Variants in SAMD15 observed in about 807,000 individuals in gnomAD.
SAMD15 encodes sterile alpha motif domain-containing protein 15.
In SAMD15, 37 loss-of-function variants were observed where a neutral mutation model predicts 50.5. That is an observed-to-expected ratio of 0.73 (90% CI 0.56 to 0.96). The LOEUF is 0.96. Among genes scored for constraint, SAMD15 ranks in the 40% least tolerant of loss-of-function variants. SAMD15 has a pLI of 0.00. For synonymous variants in SAMD15, 255 were observed against 282.8 expected (o/e 0.90, Z 0.99); for missense variants, 789 against 783.8 (o/e 1.01, Z -0.08).
At chr14:77,385,610 T>C (rs1893995916) in intron 2 of SAMD15, among the ~76,000 whole-genome samples, 1 of 152,128 alleles carries the variant, frequency 6.6e-6, no homozygotes, top group South Asian at 2.1e-4. Flanking sequence ...TTGAGAAACT[T>C]GGCTCTCCTT....
At chr14:77,388,847 G>T (rs1005668718) in intron 2 of SAMD15, among the ~76,000 whole-genome samples, 3 of 152,044 alleles carry the variant, frequency 2.0e-5, no homozygotes, top group African/African-American at 7.3e-5. Context: ...GACCTCAGGT[G>T]ATCCACCTGC....
At chr14:77,382,271 C>G (rs773137199) in intron 2 of SAMD15, among the ~76,000 whole-genome samples, 1 of 151,808 alleles carries the variant, frequency 6.6e-6, no homozygotes, top group Non-Finnish European at 1.5e-5. Flanking sequence ...ACTACAGGCG[C>G]GTGGCACCAC....
chr14:77,387,213 G>A (rs1244933912), intron 2 of SAMD15, among the ~76,000 whole-genome samples: 1 of 151,962 alleles, frequency 6.6e-6, no homozygotes, highest in Non-Finnish European at 1.5e-5. Flanking sequence ...TAGGAGGATC[G>A]CTTGAGCCTA....
intron 2 of SAMD15, among the ~76,000 whole-genome samples, chr14:77,383,993 A>C (rs1433814181): frequency 6.6e-6 from 1 of 151,384 alleles, no homozygotes; most frequent in Non-Finnish European, 1.5e-5. Flanking sequence ...AAAAAAAAAA[A>C]AAAAAAAAAA....
chr14:77,389,612 T>C (rs937870791), intron 2 of SAMD15, among the ~76,000 whole-genome samples: 1 of 150,722 alleles, frequency 6.6e-6, no homozygotes, highest in Non-Finnish European at 1.5e-5. Context: ...GTGATTCTCC[T>C]GCCTCAGCCT....
rs201221553 is a variant in SAMD15, at chr14:77,389,126, C to CA, written c.1789-1873dup. ...AAAACAAAAAACAAAAACAAACAAACAAAAAAAAACAGAATCCTTACTCGG... is the reference window on the plus strand; with the variant it reads ...AAAACAAAAAACAAAAACAAACAAACAAAAAAAAAACAGAATCCTTACTCGG... On this transcript the variant is annotated intron_variant, in intron 2 of 2. Transcript: ENST00000216471. 1.9e-3 allele frequency among the ~76,000 whole-genome samples: 283 copies of CA among 150,326 alleles called. 1 individual carries two copies. The highest frequency in any genetic ancestry group is 6.3e-3 in the African/African-American group (259 of 40,902).
At chr14:77,380,314 C>A in intron 1 of SAMD15, 69 bp from the exon 2 acceptor site, 1 of 939,812 alleles carries the variant, frequency 1.1e-6, no homozygotes, top group Non-Finnish European at 1.8e-6. Flanking sequence ...TCCCTTCCTC[C>A]CCCTTCCCTC....
chr14:77,383,900 G>A (rs1358798908), intron 2 of SAMD15, among the ~76,000 whole-genome samples: 1 of 151,226 alleles, frequency 6.6e-6, no homozygotes. Context: ...AACCTGGGAG[G>A]CGGAGGTTAT....
At chr14:77,383,377 G>A (rs529911134) in intron 2 of SAMD15, among the ~76,000 whole-genome samples, 1 of 152,046 alleles carries the variant, frequency 6.6e-6, no homozygotes, top group Non-Finnish European at 1.5e-5. Context: ...CAGCTCCCTT[G>A]GTATTCTAAT....
intron 2 of SAMD15, among the ~76,000 whole-genome samples, chr14:77,387,100 A>G (rs900264220): frequency 6.6e-6 from 1 of 152,156 alleles, no homozygotes. Context: ...GCTCTAAGTC[A>G]TAGGCAAAAA....
At chr14:77,389,937 C>A (rs1894051959) in intron 2 of SAMD15, among the ~76,000 whole-genome samples, 1 of 151,970 alleles carries the variant, frequency 6.6e-6, no homozygotes, top group African/African-American at 2.4e-5. Context: ...ACAGCTCGAA[C>A]TTTAATGTCT....
At chr14:77,388,696 C>T (rs946738361) in intron 2 of SAMD15, among the ~76,000 whole-genome samples, 1 of 151,896 alleles carries the variant, frequency 6.6e-6, no homozygotes, top group Non-Finnish European at 1.5e-5. Context: ...GGAACCTCTG[C>T]CTCCCAGGTT....
chr14:77,385,001 G>A (rs1162635290), intron 2 of SAMD15, among the ~76,000 whole-genome samples: 1 of 151,974 alleles, frequency 6.6e-6, no homozygotes, highest in Admixed American at 6.6e-5. Context: ...GACCAACATG[G>A]TGAAACCCTG....
In SAMD15 at chr14:77,377,524, G is replaced by A. The variant is rs1290490920; in HGVS notation, c.106G>A (p.Glu36Lys). The change falls in exon 1 of 3, where the codon GAA becomes AAA. Residue 36 changes from glutamate to lysine, a missense_variant. Coordinates refer to ENST00000216471, the MANE Select transcript of SAMD15 (RefSeq NM_001010860.4). ...ACTTCATAAATTGTATGAAAATGCC[G>A]AACCAGACACCATGGCAAAGGCAGA... ...PGLHKLYENAEPDTMAKADSK... is the reference protein window; with the variant it reads ...PGLHKLYENAKPDTMAKADSK... 4.3e-6 allele frequency: 7 copies of A among 1,614,002 alleles called. No homozygotes were observed. The highest frequency in any genetic ancestry group is 1.3e-5 in the African/African-American group (1 of 74,904).
Position 77,378,905 on chromosome 14 carries a change from A to AT in SAMD15, c.1488dup (p.Pro497SerfsTer10), listed in dbSNP as rs752051019. On this transcript the variant is annotated frameshift_variant, in exon 1 of 3. Transcript: ENST00000216471. LOFTEE classifies it high-confidence loss of function. ...GTCAGTGAAGAATGCTCATACTCAG[A>AT]TCCCTCAGAGTCTCAGACAGAATTA... 3 of 1,613,946 alleles carry AT rather than the reference A, an allele frequency of 1.9e-6. No individual in the cohort carries two copies. In the African/African-American group the frequency reaches 4.0e-5, roughly 22 times the overall value.
intron 1 of SAMD15, among the ~76,000 whole-genome samples, chr14:77,379,671 G>A (rs1035123947): frequency 3.3e-5 from 5 of 152,140 alleles, no homozygotes; most frequent in African/African-American, 4.8e-5. Context: ...GATTACAGGC[G>A]TGAGCCACCG....
chr14:77,390,324 A>G (rs1371377894), intron 2 of SAMD15, among the ~76,000 whole-genome samples: 3 of 151,958 alleles, frequency 2.0e-5, no homozygotes, highest in African/African-American at 7.2e-5. Flanking sequence ...TCTTAGTTAC[A>G]CATTAACTGA....
At position 77,379,105 on chromosome 14, in the gene SAMD15, A is replaced by G. The variant is rs1263016039; in HGVS notation, c.1687A>G (p.Lys563Glu). ...TAGCCAGCTAGGCTTCCCTCAATAC[A>G]AGGTATACAAAAATAAGATGTTTTG... The part of the protein sequence containing the change: ...WISQLGFPQY[K>E]ECFITNFISG... Residue 563 changes from lysine (K) to glutamate (E), a missense_variant and splice_region_variant, in exon 1 of 3, where the codon AAG becomes GAG. Physicochemically the swap from Lys to Glu is moderately conservative, Grantham distance 56 (BLOSUM62 1). Transcript: ENST00000216471. The G allele has an allele frequency of 6.2e-7, 1 of 1,607,256 alleles. No homozygotes were observed. Among genetic ancestry groups the G allele is most frequent in the Non-Finnish European group, 8.5e-7 (1 of 1,177,230 alleles).
chr14:77,379,405 A>G (rs1446566620), intron 1 of SAMD15, among the ~76,000 whole-genome samples: 2 of 139,198 alleles, frequency 1.4e-5, no homozygotes, highest in Admixed American at 7.1e-5. Flanking sequence ...TTTTTTTTTG[A>G]GACACAATCT....
Sources: allele counts gnomAD v4.1 joint callset (sites outside exome capture counted in the v4.1 genomes callset), GRCh38; gene constraint gnomAD v4.1.1; transcripts MANE v1.5; gene names NCBI Gene and HGNC (gene_info 2026-07-23, HGNC 2026-07-21).